Variants in CYFIP1 observed in about 807,000 individuals in gnomAD.
CYFIP1 encodes cytoplasmic FMR1 interacting protein 1.
Under a neutral mutation model 163.5 loss-of-function variants are expected in CYFIP1, and 58 were observed. That is an observed-to-expected ratio of 0.35 (90% CI 0.29 to 0.44). The LOEUF (loss-of-function observed/expected upper bound fraction) is 0.44. CYFIP1 is among the 20% of genes least tolerant of loss of function. The probability of loss-of-function intolerance (pLI) is 1.00; values close to 1 mark genes in which losing one functional copy is unlikely to be tolerated. For missense variants in CYFIP1, 1,338 were observed against 1,653.8 expected, an observed-to-expected ratio of 0.81 and a Z score of 3.31; for synonymous variants, 663 against 660.7, an observed-to-expected ratio of 1.00 and a Z score of -0.05.
chr15:22,972,791 A>G lies in CYFIP1; in HGVS notation c.-7+7496T>C, dbSNP rs562662911. On this transcript the variant is annotated intron_variant, in intron 1 of 30. Coordinates refer to ENST00000617928, the MANE Select transcript of CYFIP1 (RefSeq NM_014608.6). Reference sequence around the variant, plus strand: ...GAAGCCCAGGCAGGGGGATCACCTGAGCTCAGGAGTTTGAGACCAGTCTGA... The same window carrying G: ...GAAGCCCAGGCAGGGGGATCACCTGGGCTCAGGAGTTTGAGACCAGTCTGA... Among the ~76,000 whole-genome samples the G allele has an allele frequency of 1.1e-4, 16 of 152,268 alleles. No homozygotes were observed. The East Asian group carries it at 3.1e-3, about 29-fold the overall frequency.
intron 5 of CYFIP1, 143 bp from the exon 6 acceptor site, chr15:22,943,497 T>C (rs916554646): frequency 1.6e-5 from 14 of 859,460 alleles, no homozygotes; most frequent in Non-Finnish European, 2.3e-5. Flanking sequence ...GTTTACAATG[T>C]GGGCAACCAG....
chr15:22,870,676 T>C (rs968365997), intron 30 of CYFIP1, among the ~76,000 whole-genome samples: 1 of 152,168 alleles, frequency 6.6e-6, no homozygotes, highest in African/African-American at 2.4e-5. Flanking sequence ...AGAATCCCTC[T>C]GTTGGCTTCA....
intron 1 of CYFIP1, among the ~76,000 whole-genome samples, chr15:22,952,416 G>T (rs139289750): frequency 6.6e-6 from 1 of 152,156 alleles, no homozygotes; most frequent in Non-Finnish European, 1.5e-5. Flanking sequence ...GGCACTTCAG[G>T]AGGCCGAGGC....
At chr15:22,979,815 G>T (rs908953104) in intron 1 of CYFIP1, among the ~76,000 whole-genome samples, 15 of 152,210 alleles carry the variant, frequency 9.9e-5, no homozygotes, top group African/African-American at 3.4e-4. Flanking sequence ...ACAGGGGCAC[G>T]AAACAAAAAC....
In CYFIP1 at chr15:22,954,173, C is replaced by T. The variant is rs116811219; in HGVS notation, c.-6-6882G>A. On this transcript the variant is annotated intron_variant, in intron 1 of 30. Coordinates refer to ENST00000617928, the MANE Select transcript of CYFIP1 (RefSeq NM_014608.6). ...GGGGCCTGATCAGAGCAGGGCAATG[C>T]GTGACCAGGCACAGAGGGAAGACCA... 1.7e-3 allele frequency among the ~76,000 whole-genome samples: 261 copies of T among 152,250 alleles called. 2 individuals are homozygous for T. In the Middle Eastern group the frequency reaches 0.02, roughly 12 times the overall value.
rs2059308762 is a variant in CYFIP1, at chr15:22,868,499, G to GTAGTT, written c.*1524_*1528dup. On this transcript the variant is annotated 3_prime_UTR_variant, in exon 31 of 31. Coordinates refer to ENST00000617928, the MANE Select transcript of CYFIP1 (RefSeq NM_014608.6). ...TTACCATAATTTTTCATCCTATTCT[G>GTAGTT]TAGTTTCTAAGATAAGCACAGCTAC... 1 of 152,124 alleles carries GTAGTT rather than the reference G, an allele frequency of 6.6e-6. No individual in the cohort carries two copies. The highest frequency in any genetic ancestry group is 1.5e-5 in the Non-Finnish European group (1 of 68,032). 9.4% of individuals were successfully genotyped at this position (152,124 alleles called of 1,614,324 possible).
intron 23 of CYFIP1, 78 bp from the exon 24 acceptor site, chr15:22,883,089 C>T: frequency 6.5e-7 from 1 of 1,527,096 alleles, no homozygotes; most frequent in Non-Finnish European, 8.9e-7. Context: ...GAAGATCACT[C>T]AACACACACA....
chr15:22,903,323 C>T (rs1024059519), intron 22 of CYFIP1, among the ~76,000 whole-genome samples: 1 of 150,962 alleles, frequency 6.6e-6, no homozygotes, highest in Admixed American at 6.6e-5. Context: ...ATACTGCCAG[C>T]ATCCACCGTT....
chr15:22,931,685 T>TAAAAAA (rs2061538850), intron 11 of CYFIP1, among the ~76,000 whole-genome samples: 1 of 30,704 alleles, frequency 3.3e-5, no homozygotes, highest in East Asian at 5.2e-3. Flanking sequence ...AATGTTTTTC[T>TAAAAAA]GAAAAAAAAA....
At chr15:22,938,560 G>T (rs186791317) in intron 8 of CYFIP1, among the ~76,000 whole-genome samples, 1 of 151,808 alleles carries the variant, frequency 6.6e-6, no homozygotes, top group African/African-American at 2.4e-5. Flanking sequence ...AGCTGTGTCC[G>T]CACCATTGCA....
intron 26 of CYFIP1, 58 bp from the exon 27 acceptor site, chr15:22,875,329 G>A (rs892926071): frequency 6.7e-7 from 1 of 1,491,292 alleles, no homozygotes; most frequent in Non-Finnish European, 9.4e-7. Flanking sequence ...AGAGCAATCT[G>A]GTGCTGAAAA....
Position 22,912,246 on chromosome 15 carries a change from T to C in CYFIP1, c.2015A>G (p.Asn672Ser). The C allele has an allele frequency of 6.2e-7, 1 of 1,613,974 alleles. No individual in the cohort carries two copies. Among genetic ancestry groups the C allele is most frequent in the Non-Finnish European group, 8.5e-7 (1 of 1,179,932 alleles). Residue 672 changes from asparagine (N) to serine (S), a missense_variant, in exon 18 of 31, where the codon AAT (asparagine) becomes AGT (serine). Around this residue, in one of 4 missense-constraint regions of CYFIP1, gnomAD observed 824 missense variants for 995.7 expected, o/e 0.83. Coordinates refer to ENST00000617928, the MANE Select transcript of CYFIP1 (RefSeq NM_014608.6). ...EYVLYSLDLY[N>S]DSAHYALTRF... The stretch of plus-strand genomic sequence containing the variant: ...GGTGAGCGCGTAGTGGGCGCTGTCA[T>C]TGTACAGGTCCAGGGAGTAGAGCAC...
At chr15:22,964,377 A>T (rs1200972560) in intron 1 of CYFIP1, among the ~76,000 whole-genome samples, 2 of 137,694 alleles carry the variant, frequency 1.5e-5, no homozygotes, top group African/African-American at 6.2e-5. Flanking sequence ...ACACACACAC[A>T]CACACACACA....
intron 21 of CYFIP1, among the ~76,000 whole-genome samples, 153 bp downstream of exon 21, chr15:22,909,041 A>G (rs140560597): frequency 2.2e-4 from 33 of 150,692 alleles, no homozygotes; most frequent in African/African-American, 8.1e-4. Flanking sequence ...GAGGCTTGGT[A>G]TAGGCCACGC....
intron 26 of CYFIP1, 107 bp from the exon 27 acceptor site, chr15:22,875,378 G>A (rs1214031121): frequency 4.3e-6 from 4 of 921,642 alleles, no homozygotes; most frequent in Non-Finnish European, 7.1e-6. Context: ...AATAAACTCT[G>A]TAAGTTTATT....
intron 13 of CYFIP1, among the ~76,000 whole-genome samples, chr15:22,923,535 G>C (rs1023585374): frequency 6.6e-6 from 1 of 152,138 alleles, no homozygotes; most frequent in African/African-American, 2.4e-5. Flanking sequence ...AAATGGTGCT[G>C]CCACTATCTG....
chr15:22,876,245 C>T (rs2059581661), intron 26 of CYFIP1, among the ~76,000 whole-genome samples: 1 of 151,966 alleles, frequency 6.6e-6, no homozygotes, highest in South Asian at 2.1e-4. Flanking sequence ...AAAACTAAGA[C>T]CAAGAGGAAG....
At chr15:22,882,834 C>A in intron 24 of CYFIP1, 34 bp downstream of exon 24, 1 of 1,596,368 alleles carries the variant, frequency 6.3e-7, no homozygotes, top group Non-Finnish European at 8.6e-7. Context: ...GGAATCCAGG[C>A]TGTGTGAAAG....
At chr15:22,903,607 G>C in intron 22 of CYFIP1, 99 bp downstream of exon 22, 1 of 1,263,350 alleles carries the variant, frequency 7.9e-7, no homozygotes, top group South Asian at 1.3e-5. Flanking sequence ...GGAGCAGCAA[G>C]AGCAGGGAGA....
Sources: gnomAD v4.1 joint callset for allele counts (sites outside exome capture counted in the v4.1 genomes callset) on GRCh38, gnomAD v4.1.1 for gene constraint, gnomAD v4.1.1 regional missense constraint, MANE v1.5 for transcripts, NCBI Gene and HGNC (gene_info 2026-07-23, HGNC 2026-07-21) for gene names.